The following STX8 variants were observed in gnomAD, a reference collection of about 807,000 sequenced individuals.
The protein encoded by STX8 is syntaxin 8, also known as syntaxin-8.
In STX8, 23 loss-of-function variants were observed where a neutral mutation model predicts 37.5. The observed-to-expected ratio is 0.61, with a 90% CI of 0.44 to 0.87. The LOEUF is 0.87. Ranked by LOEUF, STX8 falls within the 40% of genes least tolerant of loss-of-function variation. The pLI, the probability that STX8 is intolerant of heterozygous loss-of-function variation, is 0.00. For missense variants in STX8, 313 were observed against 284.7 expected (o/e 1.10, Z -0.71); for synonymous variants, 115 against 99.1 (o/e 1.16, Z -0.95).
intron 3 of STX8, among the ~76,000 whole-genome samples, chr17:9,552,089 C>T (rs558952116): frequency 1.3e-5 from 2 of 152,258 alleles, no homozygotes; most frequent in East Asian, 1.9e-4. Context: ...TGGTGGCTCA[C>T]ACCAGTAATC....
At chr17:9,504,680 T>C (rs749861588) in intron 5 of STX8, among the ~76,000 whole-genome samples, 1 of 151,938 alleles carries the variant, frequency 6.6e-6, no homozygotes, top group Non-Finnish European at 1.5e-5. Flanking sequence ...AAGGCTCCAG[T>C]AGAAAATCTG....
At chr17:9,381,346 T>C (rs1911811785) in intron 6 of STX8, among the ~76,000 whole-genome samples, 1 of 151,982 alleles carries the variant, frequency 6.6e-6, no homozygotes, top group Admixed American at 6.6e-5. Flanking sequence ...TCTTAAAGCA[T>C]TAAGTAAAGC....
chr17:9,333,182 C>T (rs1205641459), intron 7 of STX8, among the ~76,000 whole-genome samples: 4 of 152,156 alleles, frequency 2.6e-5, no homozygotes, highest in South Asian at 2.1e-4. Flanking sequence ...GTTTAAGGTA[C>T]GAATGATCCC....
intron 7 of STX8, among the ~76,000 whole-genome samples, chr17:9,299,732 G>A (rs913680427): frequency 1.3e-5 from 2 of 152,172 alleles, no homozygotes; most frequent in African/African-American, 2.4e-5. Flanking sequence ...GTGAGCCACC[G>A]TGCTCGGGCC....
intron 2 of STX8, among the ~76,000 whole-genome samples, chr17:9,559,914 A>G (rs1158197645): frequency 6.7e-6 from 1 of 148,924 alleles, no homozygotes; most frequent in Non-Finnish European, 1.5e-5. Context: ...GGCACCCACC[A>G]CCATGCCCAG....
At chr17:9,506,415 C>CCCCGCG (rs1904834713) in intron 4 of STX8, among the ~76,000 whole-genome samples, 2 of 96,322 alleles carry the variant, frequency 2.1e-5, no homozygotes, top group African/African-American at 7.6e-5. Context: ...GCTCCCCCCC[C>CCCCGCG]CCCCCACCCA....
At chr17:9,317,333 C>T (rs1323156489) in intron 7 of STX8, among the ~76,000 whole-genome samples, 2 of 152,176 alleles carry the variant, frequency 1.3e-5, no homozygotes, top group African/African-American at 2.4e-5. Context: ...CAAGCACACC[C>T]TTGAGATGTA....
chr17:9,382,062 G>C (rs1911843104), intron 6 of STX8, among the ~76,000 whole-genome samples: 1 of 151,956 alleles, frequency 6.6e-6, no homozygotes, highest in Non-Finnish European at 1.5e-5. Flanking sequence ...ACAATACTCA[G>C]AACATATTTT....
At chr17:9,392,304 G>T (rs1912249873) in intron 6 of STX8, among the ~76,000 whole-genome samples, 1 of 152,170 alleles carries the variant, frequency 6.6e-6, no homozygotes, top group Non-Finnish European at 1.5e-5. Flanking sequence ...AAGCATAGTT[G>T]TTGGAGTTAT....
chr17:9,523,716 T>C (rs8070502), intron 4 of STX8, among the ~76,000 whole-genome samples: 1,799 of 152,296 alleles, frequency 0.012, 35 homozygotes, highest in African/African-American at 0.041. Flanking sequence ...AAAGGTAAAA[T>C]GCAATAAAAT....
intron 7 of STX8, among the ~76,000 whole-genome samples, chr17:9,306,160 CA>C (rs1908977079): frequency 6.6e-6 from 1 of 152,126 alleles, no homozygotes; most frequent in African/African-American, 2.4e-5. Context: ...CATAGTAATA[CA>C]GTGTTCAGGA....
chr17:9,345,586 G>A (rs944240467), intron 7 of STX8, among the ~76,000 whole-genome samples: 9 of 151,888 alleles, frequency 5.9e-5, no homozygotes, highest in African/African-American at 1.7e-4. Context: ...TTTATTTTTA[G>A]ATGACAAAGA....
intron 7 of STX8, among the ~76,000 whole-genome samples, chr17:9,345,928 T>G (rs1401028023): frequency 7.2e-6 from 1 of 139,404 alleles, no homozygotes; most frequent in Non-Finnish European, 1.5e-5. Flanking sequence ...CTCAGCTCAC[T>G]GCTACCTCCG....
chr17:9,537,779 C>G lies in STX8; in HGVS notation c.323+7393G>C, dbSNP rs1286276633. 4.6e-5 allele frequency among the ~76,000 whole-genome samples: 7 copies of G among 152,310 alleles called. No homozygotes were observed. The East Asian group carries it at 1.3e-3, about 29-fold the overall frequency. ...GATCAAGAGACAAAATATACACTTGCAAAAGAGAAAAGCAGTTAAGTATTA... is the reference window on the plus strand; with the variant it reads ...GATCAAGAGACAAAATATACACTTGGAAAAGAGAAAAGCAGTTAAGTATTA... On this transcript the variant is annotated intron_variant, in intron 4 of 7. Transcript: ENST00000306357.
intron 7 of STX8, among the ~76,000 whole-genome samples, chr17:9,327,331 AAGGAGAAGGAGGAGG>A (rs148757175): frequency 6.8e-6 from 1 of 147,484 alleles, no homozygotes; most frequent in East Asian, 2.1e-4. Flanking sequence ...AGGAGAAGAG[AAGGAGAAGGAGGAGG>A]AGGAGAAGGA....
At chr17:9,446,360 A>C (rs1904851737) in intron 6 of STX8, among the ~76,000 whole-genome samples, 2 of 152,232 alleles carry the variant, frequency 1.3e-5, no homozygotes, top group South Asian at 4.1e-4. Flanking sequence ...AAATTTCATG[A>C]GCATTTTCCC....
rs566470539 is a variant in STX8, at chr17:9,549,998, C to T, written c.213-4716G>A. ...CAGCACTTTGGAAGGCTGAGGCAGGCGGATCATGAGGTCAGGAGTTCGAGA... is the reference window on the plus strand; with the variant it reads ...CAGCACTTTGGAAGGCTGAGGCAGGTGGATCATGAGGTCAGGAGTTCGAGA... On this transcript the variant is annotated intron_variant, in intron 3 of 7. Transcript: ENST00000306357. Among the ~76,000 whole-genome samples the T allele has an allele frequency of 2.0e-5, 3 of 152,010 alleles. No individual in the cohort carries two copies. In the South Asian group the frequency reaches 6.2e-4, roughly 32 times the overall value.
intron 4 of STX8, among the ~76,000 whole-genome samples, chr17:9,542,004 ATT>A (rs35489488): frequency 0.15 from 22,252 of 144,078 alleles, 1,859 homozygotes; most frequent in Middle Eastern, 0.2. Flanking sequence ...AAACATTTGT[ATT>A]TTTTTTTTTT....
intron 7 of STX8, among the ~76,000 whole-genome samples, chr17:9,304,729 A>C (rs909115221): frequency 1.3e-5 from 2 of 151,832 alleles, no homozygotes; most frequent in Non-Finnish European, 2.9e-5. Flanking sequence ...TTTCCACGAG[A>C]CTGTGAGGCG....
Sources: gnomAD v4.1 joint callset for allele counts (sites outside exome capture counted in the v4.1 genomes callset) on GRCh38, gnomAD v4.1.1 for gene constraint, MANE v1.5 for transcripts, NCBI Gene and HGNC (gene_info 2026-07-23, HGNC 2026-07-21) for gene names.